Variants in SIPA1L3 observed in about 807,000 individuals in gnomAD.
The protein encoded by SIPA1L3 is signal-induced proliferation-associated 1-like protein 3.
In SIPA1L3, 59 loss-of-function variants were observed where a neutral mutation model predicts 150.1. The observed-to-expected ratio is 0.39, with a 90% CI of 0.32 to 0.49. The LOEUF (loss-of-function observed/expected upper bound fraction) is 0.49. SIPA1L3 is among the 20% of genes least tolerant of loss of function. SIPA1L3 has a pLI of 0.86. For synonymous variants in SIPA1L3, 1,070 were observed against 1,077.6 expected (o/e 0.99, Z 0.14); for missense variants, 2,211 against 2,489.5 (o/e 0.89, Z 2.38).
At position 37,956,488 on chromosome 19, in the gene SIPA1L3, T is replaced by TG. The variant is rs2046812411; in HGVS notation, c.-379+49130_-379+49131insG. ...TGCCTTTGGAAGTATAAAAGTTTTG[T>TG]TTTTTTTTTTTTTTGAGACTGAGTC... On this transcript the variant is annotated intron_variant, in intron 1 of 21. Coordinates refer to ENST00000222345, the MANE Select transcript of SIPA1L3 (RefSeq NM_015073.3). Among the ~76,000 whole-genome samples, 2 of 78,080 alleles carry TG rather than the reference T, an allele frequency of 2.6e-5. 1 individual carries two copies. The highest frequency in any genetic ancestry group is 4.2e-4 in the East Asian group (2 of 4,792). 51.2% of individuals were successfully genotyped at this position (78,080 alleles called of 152,430 possible).
chr19:37,924,699 T>C (rs933203016), intron 1 of SIPA1L3, among the ~76,000 whole-genome samples: 2 of 149,266 alleles, frequency 1.3e-5, no homozygotes, highest in Non-Finnish European at 3.0e-5. Flanking sequence ...AAAAAGTATA[T>C]ATACTAAATA....
intron 13 of SIPA1L3, among the ~76,000 whole-genome samples, chr19:38,158,507 G>A (rs1157280274): frequency 6.6e-6 from 1 of 152,146 alleles, no homozygotes; most frequent in African/African-American, 2.4e-5. Context: ...ACTGAGAGTG[G>A]GACAGGAGCC....
chr19:38,054,531 G>T (rs1185121932), intron 2 of SIPA1L3, among the ~76,000 whole-genome samples: 2 of 152,168 alleles, frequency 1.3e-5, no homozygotes, highest in Non-Finnish European at 2.9e-5. Context: ...ACTTGAACCT[G>T]ATCTCAGCAG....
At chr19:38,148,799 A>G (rs755405314) in intron 12 of SIPA1L3, among the ~76,000 whole-genome samples, 1 of 152,200 alleles carries the variant, frequency 6.6e-6, no homozygotes, top group Non-Finnish European at 1.5e-5. Flanking sequence ...GCCTGGAGAC[A>G]TCTGAAACCA....
At position 38,087,064 on chromosome 19, in the gene SIPA1L3, C is replaced by T. The variant is rs142305845; in HGVS notation, c.1535-1657C>T. Among the ~76,000 whole-genome samples the T allele has an allele frequency of 5.3e-3, 814 of 152,212 alleles. 5 individuals are homozygous for T. Among genetic ancestry groups the T allele is most frequent in the Non-Finnish European group, 7.9e-3 (534 of 68,016 alleles). ...CAGGGTTCTTGCTAAACTGACTTAG[C>T]GCAGGGTTCTTTGTTAAAACTGGAT... On this transcript the variant is annotated intron_variant, in intron 3 of 21. Transcript: ENST00000222345.
chr19:37,931,537 G>A (rs1345542773), intron 1 of SIPA1L3, among the ~76,000 whole-genome samples: 3 of 151,948 alleles, frequency 2.0e-5, no homozygotes, highest in Non-Finnish European at 2.9e-5. Flanking sequence ...TCCTGAGGTT[G>A]AGAGTTCAAG....
intron 13 of SIPA1L3, among the ~76,000 whole-genome samples, chr19:38,159,188 C>A (rs1243491021): frequency 1.3e-5 from 2 of 152,212 alleles, no homozygotes; most frequent in African/African-American, 4.8e-5. Flanking sequence ...CGCGGTGACA[C>A]CCTCAACTGA....
chr19:37,917,116 A>G (rs1448629133), intron 1 of SIPA1L3, among the ~76,000 whole-genome samples: 2 of 152,212 alleles, frequency 1.3e-5, no homozygotes, highest in African/African-American at 4.8e-5. Context: ...CAATATAGAA[A>G]TTATTAGTGA....
chr19:37,955,913 T>G (rs1384721055), intron 1 of SIPA1L3, among the ~76,000 whole-genome samples: 1 of 152,076 alleles, frequency 6.6e-6, no homozygotes, highest in Non-Finnish European at 1.5e-5. Context: ...TGCTCAGGAG[T>G]GGAATTACTG....
In SIPA1L3 at chr19:38,164,369, T is replaced by G. The variant is rs1972158089; in HGVS notation, c.3781-110T>G. 1 of 1,023,880 alleles carries G rather than the reference T, an allele frequency of 9.8e-7. No homozygotes were observed. The highest frequency in any genetic ancestry group is 2.3e-5 in the Admixed American group (1 of 43,592). The allele number at this position is 1,023,880 out of a possible 1,614,324, so 63.4% of individuals were successfully genotyped here. On this transcript the variant is annotated intron_variant, in intron 14 of 21. Coordinates refer to ENST00000222345, the MANE Select transcript of SIPA1L3 (RefSeq NM_015073.3). The surrounding 1 kb of genome is among the most constrained non-coding windows in gnomAD (Gnocchi z 4.1). Reference sequence around the variant, plus strand: ...CGGCCAGTAGATGAGAAGCCAGGATTTGAAGCTGTCTGGTCCCAGGGTTCA... The same window carrying G: ...CGGCCAGTAGATGAGAAGCCAGGATGTGAAGCTGTCTGGTCCCAGGGTTCA...
At chr19:38,185,324 C>G (rs1450258112) in intron 16 of SIPA1L3, 2 of 151,188 alleles carry the variant, frequency 1.3e-5, no homozygotes, top group African/African-American at 2.4e-5. Flanking sequence ...CTCACGTGAC[C>G]CCAATAAGTA....
At chr19:38,001,955 G>C (rs751387852) in intron 1 of SIPA1L3, among the ~76,000 whole-genome samples, 10 of 152,002 alleles carry the variant, frequency 6.6e-5, no homozygotes, top group Non-Finnish European at 1.3e-4. Context: ...TACCTTTAAG[G>C]AAACTGTAAA....
intron 1 of SIPA1L3, among the ~76,000 whole-genome samples, chr19:37,953,099 C>G (rs2046779298): frequency 2.6e-5 from 4 of 152,202 alleles, no homozygotes; most frequent in African/African-American, 7.2e-5. Flanking sequence ...TGGCGGAGGC[C>G]TGTAGTCCCA....
At chr19:38,006,325 A>G (rs985923330) in intron 1 of SIPA1L3, among the ~76,000 whole-genome samples, 4 of 152,204 alleles carry the variant, frequency 2.6e-5, no homozygotes, top group African/African-American at 9.7e-5. Context: ...AGGTGCAAGA[A>G]GCAGACAGGG....
At chr19:38,088,502 A>G (rs1363773776) in intron 3 of SIPA1L3, among the ~76,000 whole-genome samples, 1 of 152,248 alleles carries the variant, frequency 6.6e-6, no homozygotes, top group Admixed American at 6.5e-5. Context: ...TGAGGCTCAG[A>G]AAAGTTCTGT....
intron 2 of SIPA1L3, among the ~76,000 whole-genome samples, chr19:38,058,853 T>G (rs746830927): frequency 2.6e-5 from 4 of 151,904 alleles, no homozygotes; most frequent in Non-Finnish European, 2.9e-5. Context: ...GGTGAAACCC[T>G]GTCTCTACTA....
At chr19:37,965,206 CAG>C (rs1358803931) in intron 1 of SIPA1L3, among the ~76,000 whole-genome samples, 4 of 152,204 alleles carry the variant, frequency 2.6e-5, no homozygotes, top group Admixed American at 2.6e-4. Flanking sequence ...TTGTATTACT[CAG>C]ATTCTCTCTA....
chr19:37,982,954 G>A (rs1001087285), intron 1 of SIPA1L3, among the ~76,000 whole-genome samples: 1 of 152,164 alleles, frequency 6.6e-6, no homozygotes, highest in Non-Finnish European at 1.5e-5. Flanking sequence ...CTGGGGTCGA[G>A]GGTTCTCTGG....
intron 4 of SIPA1L3, among the ~76,000 whole-genome samples, chr19:38,093,895 A>C (rs1352826524): frequency 6.6e-6 from 1 of 152,174 alleles, no homozygotes; most frequent in Non-Finnish European, 1.5e-5. Context: ...GCGCCAGGCC[A>C]GGGCTGCCCT....
Sources: allele counts gnomAD v4.1 joint callset (sites outside exome capture counted in the v4.1 genomes callset), GRCh38; gene constraint gnomAD v4.1.1; non-coding constraint Gnocchi (gnomAD v3.1); transcripts MANE v1.5; gene names NCBI Gene and HGNC (gene_info 2026-07-23, HGNC 2026-07-21).